UBA1: variants seen among roughly 807,000 people sequenced by gnomAD.
UBA1 encodes ubiquitin like modifier activating enzyme 1, also known as ubiquitin-like modifier-activating enzyme 1.
Under a neutral mutation model 84.7 loss-of-function variants are expected in UBA1, and 4 were observed. The ratio of observed to expected loss-of-function variants is 0.05; its 90% CI spans 0.02 to 0.11. UBA1 has a LOEUF of 0.11. Ranked by LOEUF, UBA1 falls within the 10% of genes least tolerant of loss-of-function variation. The probability of loss-of-function intolerance (pLI) is 1.00; values close to 1 mark genes in which losing one functional copy is unlikely to be tolerated. For synonymous variants in UBA1, 364 were observed against 362.6 expected (o/e 1.00, Z -0.04); for missense variants, 513 against 902.8 (o/e 0.57, Z 5.53).
chrX:47,199,008 T>C, intron 2 of UBA1, 40 bp from the exon 3 acceptor site: 3 of 1,209,181 alleles, frequency 2.5e-6, no homozygotes, highest in Non-Finnish European at 3.4e-6. Flanking sequence ...GCTCCACTCC[T>C]GTGTGTCTCC....
At chrX:47,197,859 A>G in intron 1 of UBA1, 1 of 598,553 alleles carries the variant, frequency 1.7e-6, no homozygotes, top group Non-Finnish European at 2.0e-6. Flanking sequence ...CCATCACTTT[A>G]AAGTTGGGGG....
intron 1 of UBA1, among the ~76,000 whole-genome samples, chrX:47,195,218 C>T (rs1033277089): frequency 9.0e-6 from 1 of 111,381 alleles, no homozygotes; most frequent in African/African-American, 3.3e-5. Flanking sequence ...TCAGATGTCC[C>T]TTCCCCCCAC....
At chrX:47,207,683 A>G (rs1470156569) in intron 16 of UBA1, among the ~76,000 whole-genome samples, 1 of 111,727 alleles carries the variant, frequency 9.0e-6, no homozygotes, top group Non-Finnish European at 1.9e-5. Flanking sequence ...AAGGGAAAAA[A>G]AAAACAGTTC....
rs1556788967 is a variant in UBA1 at position 47,202,979 on chromosome X, C to T, written c.1270C>T (p.Leu424=). The T allele has an allele frequency of 1.7e-6, 2 of 1,211,916 alleles. No individual in the cohort carries two copies. The highest frequency in any genetic ancestry group is 2.2e-6 in the Non-Finnish European group (2 of 895,502). The change falls in exon 12 of 26, where the codon CTA becomes TTA. Residue 424 remains leucine, a synonymous_variant. Coordinates refer to ENST00000335972, the MANE Select transcript of UBA1 (RefSeq NM_003334.4). ...GAAGTTCATGCCCATCATGCAGTGG[C>T]TATACTTTGATGCCCTTGAGTGTCT... ...SGKFMPIMQW[L]YFDALECLPE...
At chrX:47,205,212 G>A in intron 14 of UBA1, 1 of 221,114 alleles carries the variant, frequency 4.5e-6, no homozygotes, top group Non-Finnish European at 8.6e-6. Context: ...TTTACGGTAA[G>A]TGGAGGTGGG....
At position 47,205,991 on chromosome X, in the gene UBA1, A is replaced by G. The variant is rs1936658500; in HGVS notation, c.1619A>G (p.Asn540Ser). Residue 540 changes from asparagine (N) to serine (S), a missense_variant, in exon 15 of 26, where the codon AAT becomes AGT. Physicochemically the swap from Asn to Ser is conservative, Grantham distance 46. Around this residue, in one of 6 missense-constraint regions of UBA1, gnomAD observed 55 missense variants for 104.8 expected, o/e 0.52. Coordinates refer to ENST00000335972, the MANE Select transcript of UBA1 (RefSeq NM_003334.4). ...GCTGCTGCAGCTGTGCGCCAAATGA[A>G]TCCACATATCCGGGTGACAAGCCAC... ...DTAAAAVRQMNPHIRVTSHQN... is the reference protein window; with the variant it reads ...DTAAAAVRQMSPHIRVTSHQN... 1.7e-6 allele frequency: 2 copies of G among 1,204,683 alleles called. No individual in the cohort carries two copies. Among genetic ancestry groups the G allele is most frequent in the African/African-American group, 3.5e-5 (2 of 57,743 alleles).
At chrX:47,209,850 A>T (rs782115536) in intron 17 of UBA1, 78 bp from the exon 18 acceptor site, 1 of 1,142,210 alleles carries the variant, frequency 8.8e-7, no homozygotes, top group South Asian at 1.8e-5. Flanking sequence ...TTTTCCATGG[A>T]GAAAGTAAGA....
chrX:47,204,014 T>C (rs1278503589), intron 14 of UBA1, among the ~76,000 whole-genome samples: 1 of 109,990 alleles, frequency 9.1e-6, no homozygotes, highest in Non-Finnish European at 1.9e-5. Flanking sequence ...TCCCAAAGTG[T>C]TGGTATTACA....
intron 13 of UBA1, 91 bp from the exon 14 acceptor site, chrX:47,203,450 G>A (rs1005446797): frequency 3.9e-5 from 42 of 1,069,355 alleles, no homozygotes; most frequent in Middle Eastern, 3.1e-4. Context: ...CCCTCTCCCC[G>A]TCTCTCAGGG....
chrX:47,192,913 C>T (rs1390360920), upstream of UBA1, among the ~76,000 whole-genome samples: 1 of 111,963 alleles, frequency 8.9e-6, no homozygotes, highest in African/African-American at 3.3e-5. Context: ...CCTCATTTTA[C>T]AGTTGTGGAA....
In UBA1 at chrX:47,214,924, C is replaced by T. The variant is rs782624159; in HGVS notation, c.3172C>T (p.Arg1058Cys). The change falls in exon 26 of 26, where the codon CGC (arginine) becomes TGC (cysteine). Residue 1058 changes from arginine (R) to cysteine (C), a missense_variant. Arg to Cys is a radical substitution (Grantham distance 180). Transcript: ENST00000335972. Reference protein sequence around the residue: ...VEVPYVRYTIR With the variant: ...VEVPYVRYTIC ...GGTTCCCTATGTCCGATACACCATCCGCTGACCCCGTCTGCTCCTCTAGGC... is the reference window on the plus strand; with the variant it reads ...GGTTCCCTATGTCCGATACACCATCTGCTGACCCCGTCTGCTCCTCTAGGC... 10 of 1,208,504 alleles carry T rather than the reference C, an allele frequency of 8.3e-6. No homozygotes were observed. The highest frequency in any genetic ancestry group is 7.0e-5 in the South Asian group (4 of 56,838).
chrX:47,212,056 T>C (rs1936943712), intron 20 of UBA1, among the ~76,000 whole-genome samples: 1 of 98,146 alleles, frequency 1.0e-5, no homozygotes, highest in African/African-American at 3.8e-5. Context: ...CATATATCTT[T>C]TTTACTCCCC....
At chrX:47,198,438 G>A in intron 1 of UBA1, 1 of 499,431 alleles carries the variant, frequency 2.0e-6, no homozygotes, top group Non-Finnish European at 3.0e-6. Flanking sequence ...TGCGTGGCAG[G>A]CTCAAGATTT....
At position 47,212,437 on chromosome X, in the gene UBA1, A is replaced by C. The variant is rs1556793765; in HGVS notation, c.2478A>C (p.Leu826=). The part of the protein sequence containing the change: ...SANASVDDSR[L]EELKATLPSP... ...TTCTTCATGCAGATGACAGTCGTCT[A>C]GAGGAGCTCAAAGCCACTCTGCCCA... The change falls in exon 21 of 26, where the codon CTA becomes CTC. Residue 826 remains leucine, a synonymous_variant. Transcript: ENST00000335972. 1.7e-6 allele frequency: 2 copies of C among 1,207,231 alleles called. No individual in the cohort carries two copies. Among genetic ancestry groups the C allele is most frequent in the Non-Finnish European group, 2.2e-6 (2 of 891,487 alleles).
chrX:47,199,162 G>A, intron 3 of UBA1, 47 bp from the exon 4 acceptor site: 1 of 1,212,301 alleles, frequency 8.2e-7, no homozygotes, highest in African/African-American at 1.7e-5. Flanking sequence ...GAGAGGATAA[G>A]GTTGGGTGGG....
chrX:47,211,691 A>T (rs936313342), intron 20 of UBA1, among the ~76,000 whole-genome samples: 3 of 96,175 alleles, frequency 3.1e-5, no homozygotes, highest in Non-Finnish European at 6.2e-5. Flanking sequence ...CCCCATCTGC[A>T]TATTTTTTCA....
At chrX:47,214,249 G>T (rs1937049206) in intron 23 of UBA1, 78 bp from the exon 24 acceptor site, 2 of 890,736 alleles carry the variant, frequency 2.2e-6, no homozygotes, top group Non-Finnish European at 3.3e-6. Context: ...TCTGCATGGG[G>T]GTAGGGGGGA....
At position 47,214,254 on chromosome X, in the gene UBA1, G is replaced by C. The variant is rs782344984; in HGVS notation, c.2839-73G>C. The C allele has an allele frequency of 3.4e-5, 32 of 937,742 alleles. No homozygotes were observed. In the African/African-American group the frequency reaches 5.1e-4, roughly 15 times the overall value. 77.3% of individuals were successfully genotyped at this position (937,742 alleles called of 1,213,427 possible). A position where few individuals can be genotyped will look rare whatever the true frequency, so the allele number is the denominator to read the frequency against. On this transcript the variant is annotated intron_variant, in intron 23 of 25. Coordinates refer to ENST00000335972, the MANE Select transcript of UBA1 (RefSeq NM_003334.4). ...ACTAAACACGTCTGCATGGGGGTAG[G>C]GGGGATGGAGACAGATGGGGGCTGG...
In UBA1 at chrX:47,201,570, T is replaced by C; in HGVS notation, c.771T>C (p.Val257=). 1 of 1,211,924 alleles carries C rather than the reference T, an allele frequency of 8.3e-7. No individual in the cohort carries two copies. Among genetic ancestry groups the C allele is most frequent in the Non-Finnish European group, 1.1e-6 (1 of 895,550 alleles). Residue 257 remains valine (V), a synonymous_variant, in exon 8 of 26, where the codon GTT becomes GTC. Transcript: ENST00000335972. The stretch of plus-strand genomic sequence containing the variant: ...CCTTTTCAGAAGTACAGGGCATGGT[T>C]GAACTCAACGGAAATCAGCCCATGG... ...FVSFSEVQGM[V]ELNGNQPMEI... is the part of the protein sequence containing the mutation.
Sources: allele counts gnomAD v4.1 joint callset (sites outside exome capture counted in the v4.1 genomes callset), GRCh38; gene constraint gnomAD v4.1.1; regional missense constraint gnomAD v4.1.1; transcripts MANE v1.5; gene names NCBI Gene and HGNC (gene_info 2026-07-23, HGNC 2026-07-21).